The following SLC9A9 variants were observed in gnomAD, a reference collection of about 807,000 sequenced individuals.
SLC9A9 encodes sodium/hydrogen exchanger 9.
In SLC9A9, 62 loss-of-function variants were observed where a neutral mutation model predicts 77.8. That is an observed-to-expected ratio of 0.80 (90% CI 0.65 to 0.98). SLC9A9 has a LOEUF of 0.98. Among genes scored for constraint, SLC9A9 ranks in the 50% least tolerant of loss-of-function variants. SLC9A9 has a pLI of 0.00. For synonymous variants in SLC9A9, 320 were observed against 283.5 expected (o/e 1.13, Z -1.29); for missense variants, 775 against 774.9 (o/e 1.00, Z 0.00).
intron 6 of SLC9A9, among the ~76,000 whole-genome samples, chr3:143,651,501 A>C (rs1455259506): frequency 6.6e-6 from 1 of 152,242 alleles, no homozygotes; most frequent in Non-Finnish European, 1.5e-5. Context: ...CCCAGAATAG[A>C]ATCTTTTTGT....
chr3:143,267,034 C>A, intron 15 of SLC9A9, 105 bp from the exon 16 acceptor site: 2 of 1,021,698 alleles, frequency 2.0e-6, no homozygotes, highest in Admixed American at 2.0e-5. Flanking sequence ...GTTTTCCTTT[C>A]TGTAACTGCC....
intron 12 of SLC9A9, among the ~76,000 whole-genome samples, chr3:143,425,798 GTTACTTTAAAACATT>G (rs2034393856): frequency 2.0e-5 from 3 of 152,212 alleles, no homozygotes; most frequent in African/African-American, 7.2e-5. Context: ...GTCCTAAAAT[GTTACTTTAAAACATT>G]TTAGAAGGTT....
intron 13 of SLC9A9, among the ~76,000 whole-genome samples, chr3:143,372,434 T>C (rs533413581): frequency 1.3e-5 from 2 of 152,050 alleles, no homozygotes; most frequent in Admixed American, 1.3e-4. Flanking sequence ...AGAATGAAAG[T>C]GAACCTCTTT....
intron 12 of SLC9A9, among the ~76,000 whole-genome samples, chr3:143,409,428 T>A (rs1213661429): frequency 6.6e-6 from 1 of 152,196 alleles, no homozygotes; most frequent in Non-Finnish European, 1.5e-5. Flanking sequence ...AGCTGCTCAG[T>A]CCTTTGTTTC....
At chr3:143,847,785 C>T (rs2108903308) in intron 1 of SLC9A9, 1 of 255,380 alleles carries the variant, frequency 3.9e-6, no homozygotes, top group Non-Finnish European at 7.7e-6. Flanking sequence ...TAATGTTCAT[C>T]GGTGCAGCCA....
At chr3:143,744,619 A>G (rs1935161912) in intron 4 of SLC9A9, among the ~76,000 whole-genome samples, 2 of 152,218 alleles carry the variant, frequency 1.3e-5, no homozygotes, top group African/African-American at 2.4e-5. Flanking sequence ...TGCCTTATCT[A>G]GATACTAACT....
intron 9 of SLC9A9, chr3:143,517,115 G>A (rs574039736): frequency 2.6e-6 from 4 of 1,522,526 alleles, no homozygotes; most frequent in South Asian, 2.3e-5. Flanking sequence ...TTTATCAGAA[G>A]GGCATTACGC....
In SLC9A9 at chr3:143,550,921, C is replaced by G. The variant is rs545392995; in HGVS notation, c.1089+1441G>C. Among the ~76,000 whole-genome samples the G allele has an allele frequency of 3.3e-5, 5 of 152,256 alleles. No individual in the cohort carries two copies. In the East Asian group the frequency reaches 9.6e-4, roughly 29 times the overall value. ...TTCTTGTTATGGGCTGAACTGTGCT[C>G]CTCCAAAATTCATATGTTGAAGTCC... is the stretch of plus-strand genomic sequence containing the variant. On this transcript the variant is annotated intron_variant, in intron 9 of 15. Transcript: ENST00000316549.
At chr3:143,740,203 A>G (rs1443443853) in intron 4 of SLC9A9, among the ~76,000 whole-genome samples, 1 of 152,224 alleles carries the variant, frequency 6.6e-6, no homozygotes, top group African/African-American at 2.4e-5. Context: ...ATGAGACTAA[A>G]GGAAGGAGAG....
intron 12 of SLC9A9, among the ~76,000 whole-genome samples, chr3:143,387,687 A>C (rs1469515296): frequency 6.6e-6 from 1 of 151,954 alleles, no homozygotes; most frequent in Non-Finnish European, 1.5e-5. Context: ...TCTCTTGTGC[A>C]CCATAATGCA....
chr3:143,330,427 T>C (rs774219557), intron 14 of SLC9A9, among the ~76,000 whole-genome samples: 1 of 152,210 alleles, frequency 6.6e-6, no homozygotes, highest in Non-Finnish European at 1.5e-5. Flanking sequence ...CGATCTGAAT[T>C]GTGGAATAAA....
Position 143,396,345 on chromosome 3 carries a change from G to C in SLC9A9, c.1470-14231C>G, listed in dbSNP as rs147374187. ...ACCATTCTCAGCAAACTATCGCAAG[G>C]ATAAAAAACCAAACACCGCATGTTC... On this transcript the variant is annotated intron_variant, in intron 12 of 15. Coordinates refer to ENST00000316549, the MANE Select transcript of SLC9A9 (RefSeq NM_173653.4). 5.2e-3 allele frequency among the ~76,000 whole-genome samples: 643 copies of C among 123,782 alleles called. 4 individuals carry two copies. The highest frequency in any genetic ancestry group is 0.017 in the African/African-American group (612 of 35,178). 81.2% of individuals were successfully genotyped at this position (123,782 alleles called of 152,430 possible).
chr3:143,351,696 T>G (rs1186365535), intron 14 of SLC9A9, among the ~76,000 whole-genome samples: 1 of 152,208 alleles, frequency 6.6e-6, no homozygotes, highest in Non-Finnish European at 1.5e-5. Context: ...TAAACTTGAA[T>G]ATAGCAGGAA....
Position 143,416,356 on chromosome 3 carries a change from G to T in SLC9A9, c.1470-34242C>A, listed in dbSNP as rs543709773. 7.6e-4 allele frequency among the ~76,000 whole-genome samples: 115 copies of T among 152,260 alleles called. 1 individual carries two copies. The highest frequency in any genetic ancestry group is 1.4e-3 in the Non-Finnish European group (98 of 68,018). On this transcript the variant is annotated intron_variant, in intron 12 of 15. Coordinates refer to ENST00000316549, the MANE Select transcript of SLC9A9 (RefSeq NM_173653.4). ...ATCAAGCAGCACTGCACGCTACAGA[G>T]AAATGTTTTGTGAAAGGGAGAGTCA... is the stretch of plus-strand genomic sequence containing the variant.
Position 143,579,489 on chromosome 3 carries a change from G to A in SLC9A9, c.756-766C>T, listed in dbSNP as rs1278412618. ...ACCAGGGCCTCAGATCCCAGAGTGT[G>A]AATATGAAGGATAAGGCATGTCCTA... is the stretch of plus-strand genomic sequence containing the variant. On this transcript the variant is annotated intron_variant, in intron 6 of 15. Coordinates refer to ENST00000316549, the MANE Select transcript of SLC9A9 (RefSeq NM_173653.4). 3.3e-5 allele frequency among the ~76,000 whole-genome samples: 5 copies of A among 152,078 alleles called. No individual in the cohort carries two copies. The South Asian group carries it at 1.0e-3, about 32-fold the overall frequency.
At chr3:143,427,232 T>C (rs993864786) in intron 12 of SLC9A9, among the ~76,000 whole-genome samples, 2 of 152,236 alleles carry the variant, frequency 1.3e-5, no homozygotes, top group African/African-American at 4.8e-5. Flanking sequence ...AACTTTTGCT[T>C]GTGTAAAGCA....
intron 2 of SLC9A9, among the ~76,000 whole-genome samples, chr3:143,801,483 C>T (rs1422345764): frequency 4.6e-5 from 7 of 152,168 alleles, no homozygotes; most frequent in Non-Finnish European, 8.8e-5. Flanking sequence ...TTGAGACTCC[C>T]ACCATTACCA....
In SLC9A9 at chr3:143,468,932, T is replaced by G. The variant is rs1393020973; in HGVS notation, c.1316-1742A>C. ...ATCCCAGCACTTCGGGAGGCCGAGGTGGGCAGATCATGAGGTCAGGAGTTT... is the reference window on the plus strand; with the variant it reads ...ATCCCAGCACTTCGGGAGGCCGAGGGGGGCAGATCATGAGGTCAGGAGTTT... On this transcript the variant is annotated intron_variant, in intron 11 of 15. Transcript: ENST00000316549. 3.3e-5 allele frequency among the ~76,000 whole-genome samples: 5 copies of G among 152,096 alleles called. No homozygotes were observed. In the East Asian group the frequency reaches 7.7e-4, roughly 23 times the overall value.
intron 4 of SLC9A9, among the ~76,000 whole-genome samples, chr3:143,709,445 G>A (rs1219437468): frequency 6.6e-6 from 1 of 152,150 alleles, no homozygotes; most frequent in Non-Finnish European, 1.5e-5. Flanking sequence ...TTTCTAATAA[G>A]GTTCCAGGTG....
Sources: gnomAD v4.1 joint callset for allele counts (sites outside exome capture counted in the v4.1 genomes callset) on GRCh38, gnomAD v4.1.1 for gene constraint, MANE v1.5 for transcripts, NCBI Gene and HGNC (gene_info 2026-07-23, HGNC 2026-07-21) for gene names.